The following TMOD2 variants were observed in gnomAD, a reference collection of about 807,000 sequenced individuals.
TMOD2 encodes tropomodulin-2.
In TMOD2, 22 loss-of-function variants were observed where a neutral mutation model predicts 39.9. That is an observed-to-expected ratio of 0.55 (90% CI 0.39 to 0.79). The LOEUF (loss-of-function observed/expected upper bound fraction) is 0.79. Among genes scored for constraint, TMOD2 ranks in the 30% least tolerant of loss-of-function variants. TMOD2 has a pLI of 0.00. For synonymous variants in TMOD2, 123 were observed against 146.1 expected (o/e 0.84, Z 1.14); for missense variants, 386 against 413.3 (o/e 0.93, Z 0.57).
intron 7 of TMOD2, among the ~76,000 whole-genome samples, chr15:51,786,388 G>A (rs1396524860): frequency 6.6e-6 from 1 of 152,162 alleles, no homozygotes. Flanking sequence ...GATGACATTT[G>A]TGGACCTCAA....
chr15:51,760,085 G>C (rs2055770359), intron 1 of TMOD2, among the ~76,000 whole-genome samples: 1 of 152,224 alleles, frequency 6.6e-6, no homozygotes, highest in African/African-American at 2.4e-5. Flanking sequence ...CAGGGGAGTG[G>C]ATGTGGAGGT....
intron 7 of TMOD2, among the ~76,000 whole-genome samples, chr15:51,792,822 C>A (rs1377051108): frequency 1.3e-5 from 2 of 152,040 alleles, no homozygotes; most frequent in Non-Finnish European, 2.9e-5. Flanking sequence ...AATGAGAACA[C>A]ATGGACACAG....
rs775855006 is a variant in TMOD2, at chr15:51,808,493, C to G, written c.*39C>G. On this transcript the variant is annotated 3_prime_UTR_variant, in exon 10 of 10. Coordinates refer to ENST00000249700, the MANE Select transcript of TMOD2 (RefSeq NM_014548.4). ...GAAGTGAAGTTTCACTGTGGTATGG[C>G]CATTGAAAAACAAAAACTCTTCTTC... is the stretch of plus-strand genomic sequence containing the variant. The G allele has an allele frequency of 6.3e-7, 1 of 1,575,644 alleles. No individual in the cohort carries two copies. Among genetic ancestry groups the G allele is most frequent in the South Asian group, 1.2e-5 (1 of 85,670 alleles).
chr15:51,789,507 G>T (rs537872781), intron 7 of TMOD2, among the ~76,000 whole-genome samples: 1 of 152,122 alleles, frequency 6.6e-6, no homozygotes, highest in Non-Finnish European at 1.5e-5. Flanking sequence ...GGACCAAGTG[G>T]ACCTAATAGA....
At chr15:51,754,516 A>C (rs4365237) in intron 1 of TMOD2, among the ~76,000 whole-genome samples, 1 of 151,964 alleles carries the variant, frequency 6.6e-6, no homozygotes, top group African/African-American at 2.4e-5. Flanking sequence ...TCTTACACGG[A>C]ATCCCTTGCT....
chr15:51,779,671 T>C (rs2055916151), intron 5 of TMOD2, among the ~76,000 whole-genome samples: 1 of 151,766 alleles, frequency 6.6e-6, no homozygotes, highest in Admixed American at 6.6e-5. Context: ...TTTTAATGGA[T>C]AGATAATGAA....
chr15:51,810,562 T>C lies in TMOD2; in HGVS notation c.*2108T>C, dbSNP rs2056149582. The C allele has an allele frequency of 6.6e-6, 1 of 152,204 alleles. No individual in the cohort carries two copies. The highest frequency in any genetic ancestry group is 2.1e-4 in the South Asian group (1 of 4,826). The allele number at this position is 152,204 out of a possible 1,614,324, so 9.4% of individuals were successfully genotyped here. A position where few individuals can be genotyped will look rare whatever the true frequency, so the allele number is the denominator to read the frequency against. ...ATTGGGGTTTTCTCCCTCTCCAGAT[T>C]GCTGGTTGATAAACATTCATCAGCA... On this transcript the variant is annotated 3_prime_UTR_variant, in exon 10 of 10. Coordinates refer to ENST00000249700, the MANE Select transcript of TMOD2 (RefSeq NM_014548.4).
chr15:51,816,337 A>G lies in TMOD2; in HGVS notation c.*7883A>G, dbSNP rs900384630. On this transcript the variant is annotated 3_prime_UTR_variant, in exon 10 of 10. Coordinates refer to ENST00000249700, the MANE Select transcript of TMOD2 (RefSeq NM_014548.4). ...ATGAAAATGTAAAGAACATTGGGAA[A>G]TAATAAACTTTCCTTTCAAAGTAAA... 1.3e-5 allele frequency: 2 copies of G among 152,378 alleles called. No individual in the cohort carries two copies. Among genetic ancestry groups the G allele is most frequent in the South Asian group, 4.1e-4 (2 of 4,832 alleles). The allele number at this position is 152,378 out of a possible 1,614,324, so 9.4% of individuals were successfully genotyped here. A position where few individuals can be genotyped will look rare whatever the true frequency, so the allele number is the denominator to read the frequency against.
intron 8 of TMOD2, among the ~76,000 whole-genome samples, chr15:51,804,677 A>G (rs2056110723): frequency 6.6e-6 from 1 of 151,466 alleles, no homozygotes; most frequent in African/African-American, 2.4e-5. Context: ...GGTTCAAGCA[A>G]TTCTCCTGCC....
intron 8 of TMOD2, among the ~76,000 whole-genome samples, chr15:51,799,609 G>A (rs75464249): frequency 0.033 from 5,072 of 152,248 alleles, 137 homozygotes; most frequent in Non-Finnish European, 0.05. Flanking sequence ...ACACAGAGAT[G>A]TGGAGGCAGC....
Position 51,813,912 on chromosome 15 carries a change from A to G in TMOD2, c.*5458A>G, listed in dbSNP as rs570875545. ...TCTTGAATCGGCTTTATTCTAACCA[A>G]CCATTACATCTTTCTCATCTTTTGG... On this transcript the variant is annotated 3_prime_UTR_variant, in exon 10 of 10. Coordinates refer to ENST00000249700, the MANE Select transcript of TMOD2 (RefSeq NM_014548.4). 8.5e-5 allele frequency: 13 copies of G among 152,336 alleles called. No individual in the cohort carries two copies. Among genetic ancestry groups the G allele is most frequent in the African/African-American group, 3.1e-4 (13 of 41,582 alleles). 9.4% of individuals were successfully genotyped at this position (152,336 alleles called of 1,614,324 possible). A position where few individuals can be genotyped will look rare whatever the true frequency, so the allele number is the denominator to read the frequency against.
At chr15:51,755,911 A>C (rs1452460789) in intron 1 of TMOD2, among the ~76,000 whole-genome samples, 1 of 152,016 alleles carries the variant, frequency 6.6e-6, no homozygotes, top group Non-Finnish European at 1.5e-5. Flanking sequence ...GACAAAAAGC[A>C]GGAAACCCGG....
chr15:51,801,237 T>TCACACACACACACA (rs546562505), intron 8 of TMOD2, among the ~76,000 whole-genome samples: 53 of 102,128 alleles, frequency 5.2e-4, no homozygotes, highest in African/African-American at 1.4e-3. Flanking sequence ...TCTCTCTCTC[T>TCACACACACACACA]CACACACACA....
Position 51,801,275 on chromosome 15 carries a change from A to ACACACACG in TMOD2, c.876+2942_876+2943insGCACACAC, listed in dbSNP as rs1555463073. ...CACACACACACACACACACACACAC[A>ACACACACG]CACACACACCCTGTCTCTCTCTCTC... On this transcript the variant is annotated intron_variant, in intron 8 of 9. Coordinates refer to ENST00000249700, the MANE Select transcript of TMOD2 (RefSeq NM_014548.4). Among the ~76,000 whole-genome samples, 209 of 140,922 alleles carry ACACACACG rather than the reference A, an allele frequency of 1.5e-3. 1 individual carries two copies. Among genetic ancestry groups the ACACACACG allele is most frequent in the African/African-American group, 5.3e-3 (200 of 37,734 alleles). The allele number at this position is 140,922 out of a possible 152,430, so 92.5% of individuals were successfully genotyped here. A position where few individuals can be genotyped will look rare whatever the true frequency, so the allele number is the denominator to read the frequency against.
intron 7 of TMOD2, among the ~76,000 whole-genome samples, chr15:51,788,574 G>C (rs1053509139): frequency 6.6e-6 from 1 of 152,178 alleles, no homozygotes; most frequent in African/African-American, 2.4e-5. Context: ...ATAATTGTCA[G>C]ATTCACCAAG....
chr15:51,778,669 T>TTC (rs57629613), intron 5 of TMOD2, among the ~76,000 whole-genome samples: 12 of 113,704 alleles, frequency 1.1e-4, no homozygotes, highest in African/African-American at 3.8e-4. Flanking sequence ...TTTTTTTTTT[T>TTC]CTTGAGACAG....
intron 1 of TMOD2, among the ~76,000 whole-genome samples, chr15:51,756,916 C>A (rs972669280): frequency 6.6e-6 from 1 of 152,088 alleles, no homozygotes; most frequent in South Asian, 2.1e-4. Flanking sequence ...ACAAAACAGG[C>A]GGTTGCTGTG....
chr15:51,753,558 C>T (rs1474850967), intron 1 of TMOD2, among the ~76,000 whole-genome samples: 1 of 151,660 alleles, frequency 6.6e-6, no homozygotes, highest in Non-Finnish European at 1.5e-5. Context: ...AAAAAAAAAG[C>T]TATAAAAGAC....
rs145698673 is a variant in TMOD2, at chr15:51,795,024, C to A, written c.733-3173C>A. On this transcript the variant is annotated intron_variant, in intron 7 of 9. Coordinates refer to ENST00000249700, the MANE Select transcript of TMOD2 (RefSeq NM_014548.4). ...CTTACAATGTAGTGACTAGTGCTGA[C>A]CTGATTTTTGATCCTTTGCAGGTAA... 7.9e-3 allele frequency among the ~76,000 whole-genome samples: 1,198 copies of A among 152,234 alleles called. 19 individuals are homozygous for A. Among genetic ancestry groups the A allele is most frequent in the African/African-American group, 0.027 (1,141 of 41,540 alleles).
Sources: gnomAD v4.1 joint callset for allele counts (sites outside exome capture counted in the v4.1 genomes callset) on GRCh38, gnomAD v4.1.1 for gene constraint, MANE v1.5 for transcripts, NCBI Gene and HGNC (gene_info 2026-07-23, HGNC 2026-07-21) for gene names.